The following SEMA3A variants were observed in gnomAD, a reference collection of about 807,000 sequenced individuals.
The protein encoded by SEMA3A is semaphorin-3A.
Under a neutral mutation model 97.9 loss-of-function variants are expected in SEMA3A, and 29 were observed. The ratio of observed to expected loss-of-function variants is 0.30; its 90% CI spans 0.22 to 0.40. The LOEUF (loss-of-function observed/expected upper bound fraction) is 0.40. SEMA3A is among the 10% of genes least tolerant of loss of function. The pLI is 1.00. For synonymous variants in SEMA3A, 321 were observed against 323.7 expected (o/e 0.99, Z 0.09); for missense variants, 763 against 951.3 (o/e 0.80, Z 2.60).
At chr7:84,268,117 T>C (rs1321909769) in intron 3 of SEMA3A, among the ~76,000 whole-genome samples, 2 of 152,152 alleles carry the variant, frequency 1.3e-5, no homozygotes, top group East Asian at 3.9e-4. Context: ...GCACCCAATT[T>C]GCTTCTGGTG....
At chr7:83,974,197 C>T (rs746180686) in intron 15 of SEMA3A, among the ~76,000 whole-genome samples, 10 of 152,052 alleles carry the variant, frequency 6.6e-5, no homozygotes, top group South Asian at 4.2e-4. Context: ...GACCAGCCAC[C>T]GGCGACAGAG....
chr7:84,442,764 G>C (rs1805304365), intron 1 of SEMA3A, among the ~76,000 whole-genome samples: 2 of 152,014 alleles, frequency 1.3e-5, no homozygotes, highest in South Asian at 4.1e-4. Context: ...ATGGGTCGAA[G>C]AGAAAGATTA....
intron 12 of SEMA3A, among the ~76,000 whole-genome samples, chr7:83,996,696 CT>C (rs150607746): frequency 0.11 from 15,695 of 137,168 alleles, 1,178 homozygotes; most frequent in African/African-American, 0.21. Context: ...GCTCAATTGA[CT>C]TTAACTAACG....
intron 3 of SEMA3A, among the ~76,000 whole-genome samples, chr7:84,215,199 T>A (rs901505652): frequency 6.7e-6 from 1 of 149,186 alleles, no homozygotes; most frequent in African/African-American, 2.5e-5. Flanking sequence ...TTATTTATTT[T>A]TTGGACGTGG....
rs372976942 is a variant in SEMA3A, at chr7:84,168,970, T to C, written c.112+25505A>G. 4.0e-4 allele frequency among the ~76,000 whole-genome samples: 60 copies of C among 151,876 alleles called. No homozygotes were observed. The East Asian group carries it at 9.9e-3, about 25-fold the overall frequency. On this transcript the variant is annotated intron_variant, in intron 1 of 16. Coordinates refer to ENST00000265362, the MANE Select transcript of SEMA3A (RefSeq NM_006080.3). ...TAATACTAGAACAGTGAACATACATTAATGTCACCTGACATGCTTAAAAAA... is the reference window on the plus strand; with the variant it reads ...TAATACTAGAACAGTGAACATACATCAATGTCACCTGACATGCTTAAAAAA...
chr7:84,076,588 G>T (rs116183594), intron 4 of SEMA3A, among the ~76,000 whole-genome samples: 1 of 152,012 alleles, frequency 6.6e-6, no homozygotes, highest in African/African-American at 2.4e-5. Flanking sequence ...ATTAGATCCC[G>T]AATTCACCTG....
chr7:84,042,971 C>A (rs114426355), intron 6 of SEMA3A, among the ~76,000 whole-genome samples: 1 of 151,910 alleles, frequency 6.6e-6, no homozygotes, highest in Admixed American at 6.6e-5. Context: ...AACAATTTTA[C>A]TTTATTTCCA....
intron 1 of SEMA3A, among the ~76,000 whole-genome samples, chr7:84,181,496 G>A (rs1450940809): frequency 2.0e-5 from 3 of 152,064 alleles, no homozygotes; most frequent in Admixed American, 6.6e-5. Context: ...ATAGACTGAC[G>A]TAATTATGTC....
chr7:84,045,843 T>A (rs189300872), intron 6 of SEMA3A, among the ~76,000 whole-genome samples: 1 of 151,954 alleles, frequency 6.6e-6, no homozygotes, highest in African/African-American at 2.4e-5. Context: ...AATGAAATCA[T>A]GATTTAAAAG....
At chr7:84,330,121 T>C (rs762802595) in intron 2 of SEMA3A, among the ~76,000 whole-genome samples, 1 of 152,096 alleles carries the variant, frequency 6.6e-6, no homozygotes, top group Non-Finnish European at 1.5e-5. Context: ...AGGCCAGTTA[T>C]GTGCAATTTA....
intron 1 of SEMA3A, among the ~76,000 whole-genome samples, chr7:84,189,321 G>A (rs977187501): frequency 2.9e-4 from 44 of 151,844 alleles, no homozygotes; most frequent in African/African-American, 1.0e-3. Flanking sequence ...ATGTAACTCT[G>A]TAATATCATG....
intron 1 of SEMA3A, among the ~76,000 whole-genome samples, chr7:84,400,102 G>A (rs975008442): frequency 6.6e-6 from 1 of 152,200 alleles, no homozygotes; most frequent in African/African-American, 2.4e-5. Context: ...AATGGCTGCA[G>A]TGACCACAGG....
chr7:84,295,485 G>T (rs770777137), intron 3 of SEMA3A, among the ~76,000 whole-genome samples: 3 of 152,004 alleles, frequency 2.0e-5, no homozygotes, highest in African/African-American at 7.2e-5. Context: ...TCGGAAAACT[G>T]TCTTCGCAGG....
rs185299886 is a variant in SEMA3A, at chr7:84,468,490, T to A, written c.-246+23970A>T. ...TGCCATAAAGTTTTGATCTTTTTTTTAAATATTTCTGTCACACTAGTCACA... is the reference window on the plus strand; with the variant it reads ...TGCCATAAAGTTTTGATCTTTTTTTAAAATATTTCTGTCACACTAGTCACA... On this transcript the variant is annotated intron_variant, in intron 1 of 3. Transcript: ENST00000424555. Among the ~76,000 whole-genome samples the A allele has an allele frequency of 3.9e-3, 593 of 152,338 alleles. 1 individual carries two copies. Among genetic ancestry groups the A allele is most frequent in the African/African-American group, 0.011 (463 of 41,572 alleles).
intron 2 of SEMA3A, among the ~76,000 whole-genome samples, chr7:84,134,499 A>G (rs1796062347): frequency 6.6e-6 from 1 of 152,212 alleles, no homozygotes; most frequent in Non-Finnish European, 1.5e-5. Context: ...ATTATGATGT[A>G]TTGCTACGAT....
intron 12 of SEMA3A, among the ~76,000 whole-genome samples, chr7:84,000,872 T>A (rs1300970432): frequency 2.6e-5 from 4 of 152,150 alleles, no homozygotes; most frequent in African/African-American, 9.7e-5. Context: ...TATATAGGTA[T>A]GAAATTGTTG....
chr7:84,409,528 A>G (rs934313720), intron 1 of SEMA3A, among the ~76,000 whole-genome samples: 1 of 152,196 alleles, frequency 6.6e-6, no homozygotes, highest in Middle Eastern at 3.4e-3. Context: ...AGGGGGAAAG[A>G]AATTTTACAT....
chr7:84,051,831 G>T (rs1222879059), intron 5 of SEMA3A, among the ~76,000 whole-genome samples: 1 of 151,560 alleles, frequency 6.6e-6, no homozygotes, highest in South Asian at 2.1e-4. Flanking sequence ...CATTCAGTAT[G>T]ATATTGGCTG....
At chr7:84,443,707 A>T (rs1439917184) in intron 1 of SEMA3A, among the ~76,000 whole-genome samples, 1 of 152,076 alleles carries the variant, frequency 6.6e-6, no homozygotes, top group African/African-American at 2.4e-5. Context: ...AACTTTCTCA[A>T]AACACTCTCA....
Sources: allele counts gnomAD v4.1 joint callset (sites outside exome capture counted in the v4.1 genomes callset), GRCh38; gene constraint gnomAD v4.1.1; transcripts MANE v1.5; gene names NCBI Gene and HGNC (gene_info 2026-07-23, HGNC 2026-07-21).